LOC128462377: variants seen among roughly 807,000 people sequenced by gnomAD.
chr16:89,335,747 A>G, the LOC128462377 span, among the ~76,000 whole-genome samples: 32 of 152,236 alleles, frequency 2.1e-4, no homozygotes, highest in Admixed American at 3.3e-4. Context: ...ACTGACCGTG[A>G]CAGGCCCCAG....
At chr16:89,357,480 A>C in the LOC128462377 span, among the ~76,000 whole-genome samples, 1 of 152,198 alleles carries the variant, frequency 6.6e-6, no homozygotes, top group Non-Finnish European at 1.5e-5. Flanking sequence ...AACAAATTAC[A>C]AAAGGACTAA....
the LOC128462377 span, among the ~76,000 whole-genome samples, chr16:89,380,669 C>G: frequency 5.9e-5 from 9 of 152,292 alleles, no homozygotes; most frequent in South Asian, 1.4e-3. Flanking sequence ...TGCAGAAACT[C>G]TAGAAATAAA....
At chr16:89,378,003 C>A in the LOC128462377 span, among the ~76,000 whole-genome samples, 27 of 152,026 alleles carry the variant, frequency 1.8e-4, no homozygotes, top group Non-Finnish European at 3.5e-4. Context: ...CTTAACAACA[C>A]CTTCTTTTCT....
At chr16:89,380,561 C>CG in the LOC128462377 span, among the ~76,000 whole-genome samples, 1 of 152,008 alleles carries the variant, frequency 6.6e-6, no homozygotes, top group Non-Finnish European at 1.5e-5. Flanking sequence ...GCCCCAGGAC[C>CG]TGCCCGCTGC....
the LOC128462377 span, among the ~76,000 whole-genome samples, chr16:89,369,034 AC>A: frequency 1.3e-5 from 2 of 151,494 alleles, no homozygotes; most frequent in Non-Finnish European, 2.9e-5. Flanking sequence ...AGACTGAGAG[AC>A]CCCCCACTGG....
the LOC128462377 span, among the ~76,000 whole-genome samples, chr16:89,376,442 G>C: frequency 6.6e-6 from 1 of 152,160 alleles, no homozygotes; most frequent in Non-Finnish European, 1.5e-5. Context: ...ACAGGGTTTT[G>C]TTTTTGTTTT....
the LOC128462377 span, among the ~76,000 whole-genome samples, chr16:89,417,531 C>G: frequency 2.0e-5 from 3 of 152,164 alleles, no homozygotes; most frequent in Admixed American, 2.0e-4. Context: ...TCTCAAAAAA[C>G]ATGCCAGTGA....
the LOC128462377 span, among the ~76,000 whole-genome samples, chr16:89,341,970 A>G: frequency 3.3e-3 from 432 of 129,806 alleles, 2 homozygotes; most frequent in East Asian, 0.035. Context: ...GGCCCATGGC[A>G]GGAGTGCTGC....
At chr16:89,333,573 C>T in the LOC128462377 span, among the ~76,000 whole-genome samples, 2 of 152,222 alleles carry the variant, frequency 1.3e-5, no homozygotes, top group Non-Finnish European at 2.9e-5. Context: ...GTGCTGTCTG[C>T]ACAGTTTTGC....
the LOC128462377 span, among the ~76,000 whole-genome samples, chr16:89,365,284 T>C: frequency 6.6e-6 from 1 of 152,322 alleles, no homozygotes; most frequent in East Asian, 1.9e-4. Context: ...TATCACGTAG[T>C]CTAAACCCTT....
At chr16:89,410,150 T>G in the LOC128462377 span, among the ~76,000 whole-genome samples, 2 of 152,214 alleles carry the variant, frequency 1.3e-5, no homozygotes, top group African/African-American at 4.8e-5. Context: ...CAATCTAAAT[T>G]TAAAACACAG....
chr16:89,353,005 G>A, the LOC128462377 span, among the ~76,000 whole-genome samples: 2 of 152,168 alleles, frequency 1.3e-5, no homozygotes, highest in African/African-American at 4.8e-5. Flanking sequence ...AACTTTACAG[G>A]ATCCATTTAC....
At chr16:89,386,823 A>C in the LOC128462377 span, among the ~76,000 whole-genome samples, 3 of 152,184 alleles carry the variant, frequency 2.0e-5, no homozygotes, top group African/African-American at 7.2e-5. Flanking sequence ...ATAAAGCAGA[A>C]GCCTGAAGAC....
chr16:89,410,827 G>A, the LOC128462377 span, among the ~76,000 whole-genome samples: 2 of 152,244 alleles, frequency 1.3e-5, no homozygotes, highest in Admixed American at 1.3e-4. Flanking sequence ...AACAGAAGGG[G>A]GTGGGGAGTG....
the LOC128462377 span, among the ~76,000 whole-genome samples, chr16:89,402,733 G>A: frequency 3.4e-5 from 5 of 147,744 alleles, no homozygotes; most frequent in African/African-American, 1.3e-4. Context: ...GGGGCTCTGT[G>A]GGGTGAGATA....
chr16:89,349,147 A>AAAAAAAAAAG, the LOC128462377 span, among the ~76,000 whole-genome samples: 2 of 143,176 alleles, frequency 1.4e-5, no homozygotes, highest in Non-Finnish European at 3.1e-5. Flanking sequence ...AAAAAAAAAA[A>AAAAAAAAAAG]AAAAAAAAAA....
At chr16:89,327,119 C>A in the LOC128462377 span, among the ~76,000 whole-genome samples, 1 of 152,070 alleles carries the variant, frequency 6.6e-6, no homozygotes, top group Non-Finnish European at 1.5e-5. Flanking sequence ...GTTGGAAATG[C>A]AGAGGGCACC....
chr16:89,383,042 T>C, the LOC128462377 span, among the ~76,000 whole-genome samples: 1 of 152,210 alleles, frequency 6.6e-6, no homozygotes, highest in South Asian at 2.1e-4. Flanking sequence ...AGTTATTCAA[T>C]TATGCCATGT....
the LOC128462377 span, among the ~76,000 whole-genome samples, chr16:89,406,358 G>A: frequency 1.3e-5 from 2 of 152,094 alleles, no homozygotes; most frequent in Non-Finnish European, 1.5e-5. Flanking sequence ...CCCACACCTG[G>A]GCCTCGGCCA....
Sources: allele counts gnomAD v4.1 joint callset (sites outside exome capture counted in the v4.1 genomes callset), GRCh38; gene constraint gnomAD v4.1.1; transcripts MANE v1.5.